UNC45B: variants seen among roughly 807,000 people sequenced by gnomAD.
UNC45B encodes the protein protein unc-45 homolog B.
Under a neutral mutation model 98.7 loss-of-function variants are expected in UNC45B, and 78 were observed. That is an observed-to-expected ratio of 0.79 (90% confidence interval 0.66 to 0.95). The LOEUF is 0.95. UNC45B is among the 40% of genes least tolerant of loss of function. The pLI, the probability that UNC45B is intolerant of heterozygous loss-of-function variation, is 0.00. For synonymous variants in UNC45B, 462 were observed against 480.4 expected (o/e 0.96, Z 0.50); for missense variants, 1,225 against 1,184.9 (o/e 1.03, Z -0.50).
At chr17:35,175,173 A>G (rs2092224295) in intron 14 of UNC45B, among the ~76,000 whole-genome samples, 1 of 151,436 alleles carries the variant, frequency 6.6e-6, no homozygotes, top group Admixed American at 6.6e-5. Context: ...GAAGGAAAGG[A>G]AGGAAGAGAA....
chr17:35,159,038 A>T (rs1208861114), intron 7 of UNC45B, among the ~76,000 whole-genome samples: 1 of 152,224 alleles, frequency 6.6e-6, no homozygotes, highest in African/African-American at 2.4e-5. Context: ...CATTTTATTA[A>T]ATCAGTTTAT....
intron 4 of UNC45B, among the ~76,000 whole-genome samples, chr17:35,152,367 A>G (rs2092026692): frequency 6.6e-6 from 1 of 152,228 alleles, no homozygotes; most frequent in African/African-American, 2.4e-5. Context: ...ATGATCAGTT[A>G]GGTCACTTTA....
At chr17:35,155,193 T>C (rs1313084268) in intron 6 of UNC45B, 103 bp from the exon 7 acceptor site, 5 of 1,417,170 alleles carry the variant, frequency 3.5e-6, no homozygotes, top group Non-Finnish European at 9.6e-7. Context: ...ATTTCTCTAC[T>C]GCATGGGATA....
chr17:35,148,829 A>C, intron 2 of UNC45B, 144 bp from the exon 3 acceptor site: 1 of 934,278 alleles, frequency 1.1e-6, no homozygotes, highest in South Asian at 1.6e-5. Flanking sequence ...CCTCTTTGCC[A>C]TGCCTGTGAG....
rs535311060 is a variant in UNC45B, at chr17:35,152,368, G to A, written c.382-525G>A. On this transcript the variant is annotated intron_variant, in intron 4 of 19. Transcript: ENST00000394570. The stretch of plus-strand genomic sequence containing the variant: ...CGGAGTGAAGGATGATGATCAGTTA[G>A]GTCACTTTATGGAGGACCCAGGGCA... 3.3e-5 allele frequency among the ~76,000 whole-genome samples: 5 copies of A among 152,324 alleles called. No individual in the cohort carries two copies. The South Asian group carries it at 1.0e-3, about 32-fold the overall frequency.
chr17:35,168,450 T>A, intron 10 of UNC45B, 89 bp downstream of exon 10: 1 of 1,188,454 alleles, frequency 8.4e-7, no homozygotes, highest in Non-Finnish European at 1.1e-6. Flanking sequence ...GAGGCTGCTG[T>A]CCTTGAGGAG....
Position 35,154,636 on chromosome 17 carries a change from C to A in UNC45B, c.534C>A (p.Asn178Lys). The change falls in exon 6 of 20, where the codon AAC becomes AAA. Residue 178 changes from asparagine to lysine, a missense_variant. Coordinates refer to ENST00000394570, the MANE Select transcript of UNC45B (RefSeq NM_001267052.2). ...EEAGAEKIFQ[N>K]NGVALLLQLL... ...CAGGGGCTGAGAAGATCTTCCAGAACAATGGAGTAGCCTTGCTACTGCAGC... is the reference window on the plus strand; with the variant it reads ...CAGGGGCTGAGAAGATCTTCCAGAAAAATGGAGTAGCCTTGCTACTGCAGC... The A allele has an allele frequency of 3.1e-6, 5 of 1,613,680 alleles. No individual in the cohort carries two copies. Among genetic ancestry groups the A allele is most frequent in the South Asian group, 1.1e-5 (1 of 90,980 alleles).
At position 35,168,267 on chromosome 17, in the gene UNC45B, G is replaced by T. The variant is rs778176543; in HGVS notation, c.1358G>T (p.Ser453Ile). 31 of 1,547,780 alleles carry T rather than the reference G, an allele frequency of 2.0e-5. No homozygotes were observed. The highest frequency in any genetic ancestry group is 2.7e-5 in the Non-Finnish European group (31 of 1,147,108). Residue 453 changes from serine (S) to isoleucine (I), a missense_variant, in exon 10 of 20, where the codon AGC (serine) becomes ATC (isoleucine). Transcript: ENST00000394570. ...CTCATCCATGCCTCCACGAAGCTCA[G>T]CCGCGCCACCTTCATCATCACCAAT... ...EALIHASTKL[S>I]RATFIITNGV... is the part of the protein sequence containing the mutation.
chr17:35,154,478 C>T, intron 5 of UNC45B, 96 bp from the exon 6 acceptor site: 1 of 1,120,646 alleles, frequency 8.9e-7, no homozygotes, highest in Non-Finnish European at 1.3e-6. Context: ...TTCTGAAGAT[C>T]CAGTCTTTGC....
At chr17:35,183,702 C>G in intron 19 of UNC45B, 120 bp downstream of exon 19, 2 of 1,134,206 alleles carry the variant, frequency 1.8e-6, no homozygotes, top group Admixed American at 3.7e-5. Context: ...TCGCAGCCCC[C>G]AGGCTTCTGT....
rs2092045839 is a variant in UNC45B, at chr17:35,154,701, T to C, written c.599T>C (p.Val200Ala). 1.2e-6 allele frequency: 2 copies of C among 1,607,452 alleles called. No homozygotes were observed. The highest frequency in any genetic ancestry group is 1.7e-6 in the Non-Finnish European group (2 of 1,178,128). Residue 200 changes from valine (V) to alanine (A), a missense_variant, in exon 6 of 20, where the codon GTG becomes GCG. Transcript: ENST00000394570. ...TKKPELVLAAVRTLSGMCSGH... is the reference protein window; with the variant it reads ...TKKPELVLAAARTLSGMCSGH... ...AAGCCTGAGCTGGTGCTGGCTGCAG[T>C]GCGGACCCTGTCGGGCATGTGCAGC...
At chr17:35,153,166 A>T (rs1003268533) in intron 5 of UNC45B, among the ~76,000 whole-genome samples, 184 bp downstream of exon 5, 3 of 152,214 alleles carry the variant, frequency 2.0e-5, no homozygotes, top group African/African-American at 7.2e-5. Flanking sequence ...GGGTGAATCT[A>T]GTGAGGAGAG....
intron 18 of UNC45B, among the ~76,000 whole-genome samples, chr17:35,181,679 T>C (rs1003230936): frequency 1.3e-5 from 2 of 151,168 alleles, no homozygotes; most frequent in Non-Finnish European, 2.9e-5. Flanking sequence ...TAATCCCAGC[T>C]ACTCGGGAGC....
intron 8 of UNC45B, among the ~76,000 whole-genome samples, chr17:35,163,329 G>A (rs1360677890): frequency 1.3e-5 from 2 of 152,030 alleles, no homozygotes; most frequent in Admixed American, 6.6e-5. Flanking sequence ...TGGAGGTCAG[G>A]GTTGTATCTG....
intron 14 of UNC45B, 129 bp downstream of exon 14, chr17:35,174,498 G>C (rs997798939): frequency 1.5e-5 from 20 of 1,352,766 alleles, no homozygotes; most frequent in Middle Eastern, 2.6e-4. Flanking sequence ...GGAAAGCCTG[G>C]AGAAAGGTCT....
Position 35,153,541 on chromosome 17 carries a change from G to A in UNC45B, c.471+559G>A, listed in dbSNP as rs181936171. ...TGCAGGGGAAAAAAATTGAACATTC[G>A]AGTGTTTTACATTTGCAAGAACTTG... On this transcript the variant is annotated intron_variant, in intron 5 of 19. Coordinates refer to ENST00000394570, the MANE Select transcript of UNC45B (RefSeq NM_001267052.2). Among the ~76,000 whole-genome samples the A allele has an allele frequency of 1.5e-3, 222 of 151,462 alleles. 1 individual carries two copies. Among genetic ancestry groups the A allele is most frequent in the Non-Finnish European group, 2.1e-3 (142 of 67,874 alleles).
intron 13 of UNC45B, 87 bp downstream of exon 13, chr17:35,171,549 A>C (rs1299354645): frequency 6.6e-7 from 1 of 1,525,334 alleles, no homozygotes; most frequent in Non-Finnish European, 8.9e-7. Context: ...TGGTGTCAGG[A>C]GTGGCACGGT....
chr17:35,174,245 A>G lies in UNC45B; in HGVS notation c.1834A>G (p.Lys612Glu), dbSNP rs1356131742. The change falls in exon 14 of 20, where the codon AAG (lysine) becomes GAG (glutamate). Residue 612 changes from lysine (K) to glutamate (E), a missense_variant. By Grantham distance (56) the Lys-to-Glu change is moderately conservative (BLOSUM62 1). Coordinates refer to ENST00000394570, the MANE Select transcript of UNC45B (RefSeq NM_001267052.2). The part of the protein sequence containing the change: ...QHVPEEHPKD[K>E]KDFIDMRVKR... ...TGCCATCTTTTCATCTCCTCAGGACAAGAAGGACTTTATAGACATGCGGGT... is the reference window on the plus strand; with the variant it reads ...TGCCATCTTTTCATCTCCTCAGGACGAGAAGGACTTTATAGACATGCGGGT... 3 of 1,613,992 alleles carry G rather than the reference A, an allele frequency of 1.9e-6. No individual in the cohort carries two copies. Among genetic ancestry groups the G allele is most frequent in the African/African-American group, 2.7e-5 (2 of 74,918 alleles).
At chr17:35,167,370 C>T (rs2092148459) in intron 9 of UNC45B, among the ~76,000 whole-genome samples, 1 of 152,126 alleles carries the variant, frequency 6.6e-6, no homozygotes, top group African/African-American at 2.4e-5. Flanking sequence ...CCTATAATAC[C>T]AGTGCTTTGG....
Sources: allele counts gnomAD v4.1 joint callset (sites outside exome capture counted in the v4.1 genomes callset), GRCh38; gene constraint gnomAD v4.1.1; transcripts MANE v1.5; gene names NCBI Gene and HGNC (gene_info 2026-07-23, HGNC 2026-07-21).